LEO1: variants seen among roughly 807,000 people sequenced by gnomAD.
The protein encoded by LEO1 is RNA polymerase-associated protein LEO1.
In LEO1, 34 loss-of-function variants were observed where a neutral mutation model predicts 80.4. That is an observed-to-expected ratio of 0.42 (90% CI 0.32 to 0.56). LEO1 has a LOEUF of 0.56. Ranked by LOEUF, LEO1 falls within the 20% of genes least tolerant of loss-of-function variation. The pLI is 0.10. For missense variants in LEO1, 631 were observed against 814.2 expected (o/e 0.77, Z 2.74); for synonymous variants, 262 against 274.9 (o/e 0.95, Z 0.46).
chr15:51,959,127 C>T (rs1034067111), intron 5 of LEO1, among the ~76,000 whole-genome samples: 1 of 151,838 alleles, frequency 6.6e-6, no homozygotes, highest in Non-Finnish European at 1.5e-5. Context: ...CTCAGCCTCC[C>T]GAGTAGCTGG....
chr15:51,966,624 T>A (rs1033799425), intron 1 of LEO1, 120 bp from the exon 2 acceptor site: 27 of 639,568 alleles, frequency 4.2e-5, no homozygotes, highest in Non-Finnish European at 8.2e-6. Context: ...GAATTAACAT[T>A]CTAAGGCCGG....
chr15:51,965,710 C>T (rs1334882416), intron 2 of LEO1, 39 bp downstream of exon 2: 1 of 1,555,250 alleles, frequency 6.4e-7, no homozygotes, highest in East Asian at 2.2e-5. Flanking sequence ...TATCTGAATG[C>T]TTCTTTCTGA....
At chr15:51,964,557 A>C (rs1171354359) in intron 2 of LEO1, among the ~76,000 whole-genome samples, 3 of 151,836 alleles carry the variant, frequency 2.0e-5, no homozygotes, top group Non-Finnish European at 4.4e-5. Flanking sequence ...TAAAAAAAAA[A>C]AAAAAACCTC....
intron 9 of LEO1, among the ~76,000 whole-genome samples, chr15:51,950,218 C>A (rs189894601): frequency 6.6e-6 from 1 of 152,194 alleles, no homozygotes; most frequent in Non-Finnish European, 1.5e-5. Flanking sequence ...TGACACTAAC[C>A]GGCCCAACTG....
At chr15:51,963,928 C>T (rs1471737868) in intron 2 of LEO1, among the ~76,000 whole-genome samples, 3 of 146,048 alleles carry the variant, frequency 2.1e-5, no homozygotes, top group Non-Finnish European at 4.5e-5. Flanking sequence ...AATGAGTGGC[C>T]GGGCGCAGTG....
At chr15:51,940,342 C>T (rs551522104) in intron 11 of LEO1, among the ~76,000 whole-genome samples, 59 of 149,658 alleles carry the variant, frequency 3.9e-4, no homozygotes, top group African/African-American at 1.4e-3. Context: ...GGGCAGATCA[C>T]GAGGTCAGGA....
At chr15:51,958,077 G>T (rs569646827) in intron 6 of LEO1, among the ~76,000 whole-genome samples, 54 of 152,186 alleles carry the variant, frequency 3.5e-4, no homozygotes, top group African/African-American at 1.2e-3. Context: ...AAATCCTTCG[G>T]ATTTAAGAAT....
At chr15:51,939,679 A>T (rs1397861283) in intron 11 of LEO1, among the ~76,000 whole-genome samples, 1 of 152,256 alleles carries the variant, frequency 6.6e-6, no homozygotes, top group African/African-American at 2.4e-5. Flanking sequence ...TTTCCAAAGG[A>T]AAAATCTTAA....
chr15:51,951,778 T>G, intron 9 of LEO1, 66 bp downstream of exon 9: 1 of 1,432,548 alleles, frequency 7.0e-7, no homozygotes, highest in Non-Finnish European at 9.7e-7. Flanking sequence ...CGAACAAGCA[T>G]TTTGGGAAAT....
chr15:51,943,084 GTGTAT>G (rs1480733068), intron 11 of LEO1, among the ~76,000 whole-genome samples: 1 of 151,280 alleles, frequency 6.6e-6, no homozygotes, highest in Non-Finnish European at 1.5e-5. Context: ...GAGACCCTCT[GTGTAT>G]AAAAAATAGA....
intron 11 of LEO1, among the ~76,000 whole-genome samples, chr15:51,939,828 G>A (rs1004141968): frequency 1.3e-5 from 2 of 152,170 alleles, no homozygotes; most frequent in African/African-American, 4.8e-5. Flanking sequence ...TCTAAAAGAT[G>A]GTACAGCCTG....
At chr15:51,949,787 T>C in intron 10 of LEO1, 21 bp downstream of exon 10, 1 of 1,600,370 alleles carries the variant, frequency 6.2e-7, no homozygotes. Flanking sequence ...TGATGAAATG[T>C]AATTTCCATA....
chr15:51,941,143 T>C (rs1222405726), intron 11 of LEO1, among the ~76,000 whole-genome samples: 1 of 151,852 alleles, frequency 6.6e-6, no homozygotes, highest in Non-Finnish European at 1.5e-5. Context: ...AGAGCAAAGG[T>C]ATATAGTTCC....
intron 1 of LEO1, among the ~76,000 whole-genome samples, chr15:51,970,203 T>C (rs1471469504): frequency 1.3e-5 from 2 of 152,144 alleles, no homozygotes; most frequent in African/African-American, 4.8e-5. Context: ...ATCACCCAGG[T>C]TGAAGTGAAG....
At chr15:51,959,827 C>T (rs781092634) in intron 5 of LEO1, 72 bp downstream of exon 5, 411 of 1,356,290 alleles carry the variant, frequency 3.0e-4, no homozygotes, top group Non-Finnish European at 3.8e-4. Context: ...CAACTCAATG[C>T]GAAATAAGAA....
chr15:51,958,000 G>A (rs2057002358), intron 6 of LEO1, among the ~76,000 whole-genome samples: 1 of 149,468 alleles, frequency 6.7e-6, no homozygotes, highest in African/African-American at 2.5e-5. Context: ...CAGCGTGGGC[G>A]ACACAGCGAT....
intron 11 of LEO1, among the ~76,000 whole-genome samples, chr15:51,939,190 AAAATAAAT>A (rs544893545): frequency 3.3e-5 from 5 of 152,354 alleles, no homozygotes; most frequent in Admixed American, 1.3e-4. Context: ...CTCCGTCTCA[AAAATAAAT>A]AAATAAATAA....
chr15:51,964,113 G>A (rs1478795301), intron 2 of LEO1, among the ~76,000 whole-genome samples: 3 of 151,902 alleles, frequency 2.0e-5, no homozygotes, highest in Non-Finnish European at 4.4e-5. Flanking sequence ...GGCTGAGGCA[G>A]GAGAATGGCG....
intron 11 of LEO1, among the ~76,000 whole-genome samples, chr15:51,946,130 G>C (rs1478405139): frequency 2.5e-4 from 38 of 152,096 alleles, no homozygotes; most frequent in Admixed American, 2.5e-3. Context: ...AAATTATCTT[G>C]AAATAATTTA....
Sources: allele counts gnomAD v4.1 joint callset (sites outside exome capture counted in the v4.1 genomes callset), GRCh38; gene constraint gnomAD v4.1.1; transcripts MANE v1.5; gene names NCBI Gene and HGNC (gene_info 2026-07-23, HGNC 2026-07-21).